Variants in AEBP2 observed in about 807,000 individuals in gnomAD.
AEBP2 encodes the protein zinc finger protein AEBP2.
A neutral mutation model predicts 50.8 loss-of-function variants in AEBP2; 10 were observed. The ratio of observed to expected loss-of-function variants is 0.20; its 90% CI spans 0.12 to 0.33. AEBP2 has a LOEUF of 0.33. AEBP2 is among the 10% of genes least tolerant of loss of function. AEBP2 has a pLI of 1.00. For missense variants in AEBP2, 570 were observed against 688.0 expected (o/e 0.83, Z 1.92); for synonymous variants, 296 against 261.3 (o/e 1.13, Z -1.28).
rs370122270 is a variant in AEBP2, at chr12:19,460,712, T to G, written c.672-1798T>G. On this transcript the variant is annotated intron_variant, in intron 1 of 7. Transcript: ENST00000266508. ...CTCTGTCGCCCAGGTTGGAGTCCAG[T>G]GCCGCTATCTCTGCTCACAGCAGTC... Among the ~76,000 whole-genome samples, 20 of 150,788 alleles carry G rather than the reference T, an allele frequency of 1.3e-4. 1 individual carries two copies. The East Asian group carries it at 3.9e-3, about 29-fold the overall frequency.
At chr12:19,407,879 T>C (rs1053626553) in intron 1 of AEBP2, among the ~76,000 whole-genome samples, 12 of 151,892 alleles carry the variant, frequency 7.9e-5, no homozygotes, top group African/African-American at 2.9e-4. Flanking sequence ...AGAAACTCCG[T>C]CTCTACTGAA....
At chr12:19,506,005 G>T (rs1949152179) in intron 5 of AEBP2, among the ~76,000 whole-genome samples, 1 of 151,520 alleles carries the variant, frequency 6.6e-6, no homozygotes, top group South Asian at 2.1e-4. Flanking sequence ...TGCCCAGGCT[G>T]ATCTCAAACT....
At position 19,408,704 on chromosome 12, in the gene AEBP2, A is replaced by T. The variant is rs376005261; in HGVS notation, c.-17+4488A>T. On this transcript the variant is annotated intron_variant, in intron 1 of 3. Coordinates refer to the AEBP2 transcript ENST00000538425. ...ATCACGAGGTCAGGAGTTCAAGAGC[A>T]GCCTAACCAACGTGGTGAAACCCCG... Among the ~76,000 whole-genome samples the T allele has an allele frequency of 7.2e-5, 11 of 152,194 alleles. No individual in the cohort carries two copies. The East Asian group carries it at 1.7e-3, about 24-fold the overall frequency.
intron 3 of AEBP2, among the ~76,000 whole-genome samples, chr12:19,477,297 C>G (rs1948663152): frequency 1.3e-5 from 2 of 152,076 alleles, no homozygotes; most frequent in African/African-American, 4.8e-5. Flanking sequence ...TCCTTTATTT[C>G]TTTTCTCTGA....
chr12:19,424,206 A>G (rs1416738446), intron 1 of AEBP2, among the ~76,000 whole-genome samples: 4 of 152,168 alleles, frequency 2.6e-5, no homozygotes, highest in Admixed American at 1.3e-4. Flanking sequence ...AATCAAGAGA[A>G]GAGTGGCAAG....
chr12:19,481,303 A>G (rs1008677866), intron 3 of AEBP2, among the ~76,000 whole-genome samples: 8 of 150,842 alleles, frequency 5.3e-5, no homozygotes, highest in Non-Finnish European at 1.0e-4. Flanking sequence ...GGGTTTCATC[A>G]TGTTGGCCAG....
intron 6 of AEBP2, among the ~76,000 whole-genome samples, chr12:19,513,466 T>A (rs1205484269): frequency 6.6e-6 from 1 of 152,168 alleles, no homozygotes; most frequent in East Asian, 1.9e-4. Flanking sequence ...AATTCACGTA[T>A]GTGGCCAATG....
upstream of AEBP2, among the ~76,000 whole-genome samples, chr12:19,435,165 T>C (rs532851428): frequency 5.3e-4 from 80 of 151,888 alleles, no homozygotes; most frequent in African/African-American, 1.7e-3. Flanking sequence ...AGTCTCACTC[T>C]GTCACCCAGG....
At chr12:19,492,447 G>GCCTTC (rs2120442336) in intron 3 of AEBP2, among the ~76,000 whole-genome samples, 1 of 152,166 alleles carries the variant, frequency 6.6e-6, no homozygotes, top group East Asian at 1.9e-4. Context: ...AAGTACAGAA[G>GCCTTC]GCTAAAGAGG....
chr12:19,515,992 G>T (rs1276595583), intron 7 of AEBP2, among the ~76,000 whole-genome samples: 1 of 152,160 alleles, frequency 6.6e-6, no homozygotes, highest in African/African-American at 2.4e-5. Flanking sequence ...GGCTGAGGTA[G>T]GAGGATTGCT....
At chr12:19,450,791 A>G (rs1948155122) in intron 1 of AEBP2, among the ~76,000 whole-genome samples, 1 of 150,436 alleles carries the variant, frequency 6.6e-6, no homozygotes, top group African/African-American at 2.4e-5. Context: ...GCAATGAACT[A>G]TGATTGTGCC....
intron 3 of AEBP2, among the ~76,000 whole-genome samples, chr12:19,491,769 A>G (rs983591586): frequency 6.6e-6 from 1 of 152,144 alleles, no homozygotes; most frequent in Non-Finnish European, 1.5e-5. Context: ...TAATATACTT[A>G]GTAATATCTA....
At chr12:19,469,127 T>C (rs1365531539) in intron 2 of AEBP2, among the ~76,000 whole-genome samples, 1 of 152,140 alleles carries the variant, frequency 6.6e-6, no homozygotes, top group Non-Finnish European at 1.5e-5. Flanking sequence ...GGTTTCGCCA[T>C]GTTGGCCAGG....
intron 1 of AEBP2, among the ~76,000 whole-genome samples, chr12:19,422,500 A>AT (rs34357838): frequency 1.7e-4 from 25 of 147,850 alleles, no homozygotes; most frequent in South Asian, 6.5e-4. Flanking sequence ...CTAGAAATAC[A>AT]TTTTTTTTTT....
intron 1 of AEBP2, among the ~76,000 whole-genome samples, chr12:19,429,649 G>A (rs2095750411): frequency 6.6e-6 from 1 of 152,176 alleles, no homozygotes; most frequent in African/African-American, 2.4e-5. Flanking sequence ...GTTGTTTCCT[G>A]ACTTTTGAAT....
At chr12:19,424,155 A>G (rs1044267227) in intron 1 of AEBP2, among the ~76,000 whole-genome samples, 2 of 152,184 alleles carry the variant, frequency 1.3e-5, no homozygotes, top group Non-Finnish European at 2.9e-5. Context: ...AGAAGAAACC[A>G]TGAAAGCTAT....
intron 1 of AEBP2, among the ~76,000 whole-genome samples, chr12:19,449,046 T>G (rs1211862138): frequency 6.6e-6 from 1 of 152,192 alleles, no homozygotes. Flanking sequence ...GATTTTTTAG[T>G]GTTTTAAATT....
chr12:19,427,393 A>C (rs947706626), intron 1 of AEBP2, among the ~76,000 whole-genome samples: 3 of 151,882 alleles, frequency 2.0e-5, no homozygotes, highest in Admixed American at 6.6e-5. Context: ...AAAAAAAAAA[A>C]AAAAAACGCA....
At chr12:19,471,794 G>A (rs1023495518) in intron 2 of AEBP2, among the ~76,000 whole-genome samples, 11 of 152,256 alleles carry the variant, frequency 7.2e-5, no homozygotes, top group Non-Finnish European at 8.8e-5. Flanking sequence ...GTCTCCCAAA[G>A]TGCTGGAATT....
Sources: allele counts gnomAD v4.1 joint callset (sites outside exome capture counted in the v4.1 genomes callset), GRCh38; gene constraint gnomAD v4.1.1; transcripts MANE v1.5; gene names NCBI Gene and HGNC (gene_info 2026-07-23, HGNC 2026-07-21).